Variants in PTPN3 observed in about 807,000 individuals in gnomAD.
PTPN3 encodes the protein tyrosine-protein phosphatase non-receptor type 3.
PTPN3 carries 96 observed loss-of-function variants against 132.7 expected under a neutral mutation model. The observed-to-expected ratio is 0.72, with a 90% CI of 0.61 to 0.86. The LOEUF (loss-of-function observed/expected upper bound fraction) is 0.86. PTPN3 is among the 40% of genes least tolerant of loss of function. PTPN3 has a pLI of 0.00. For synonymous variants in PTPN3, 398 were observed against 429.0 expected (o/e 0.93, Z 0.89); for missense variants, 1,125 against 1,159.6 (o/e 0.97, Z 0.43).
intron 1 of PTPN3, among the ~76,000 whole-genome samples, chr9:109,488,905 C>T (rs1160425630): frequency 6.6e-6 from 1 of 152,216 alleles, no homozygotes; most frequent in Non-Finnish European, 1.5e-5. Flanking sequence ...TCCTCTTCTG[C>T]CTGGGTCCCC....
intron 1 of PTPN3, among the ~76,000 whole-genome samples, chr9:109,490,160 G>A (rs1039299572): frequency 1.3e-5 from 2 of 151,958 alleles, no homozygotes; most frequent in Admixed American, 6.6e-5. Flanking sequence ...TCTAGCCTGG[G>A]TGACAGAGCA....
chr9:109,461,688 T>C (rs1247504129), intron 2 of PTPN3, among the ~76,000 whole-genome samples: 1 of 151,688 alleles, frequency 6.6e-6, no homozygotes, highest in Admixed American at 6.6e-5. Flanking sequence ...GCCCAGGAGG[T>C]TGAGGCTGCA....
At chr9:109,397,879 C>T (rs556350358) in intron 19 of PTPN3, 3 of 152,254 alleles carry the variant, frequency 2.0e-5, no homozygotes, top group Admixed American at 6.5e-5. Context: ...CAGTTTGCTC[C>T]GTGTATCCCA....
chr9:109,504,879 G>GCC, the PTPN3 span, among the ~76,000 whole-genome samples: 1 of 152,190 alleles, frequency 6.6e-6, no homozygotes, highest in Non-Finnish European at 1.5e-5. Flanking sequence ...CGAAACAATC[G>GCC]CCTTCCCTGA....
intron 12 of PTPN3, 30 bp downstream of exon 12, chr9:109,426,920 G>A (rs768939228): frequency 1.3e-6 from 2 of 1,576,410 alleles, no homozygotes; most frequent in Admixed American, 1.7e-5. Context: ...TCTCAGCCTA[G>A]TGTGGACACA....
At chr9:109,530,287 C>T in the PTPN3 span, among the ~76,000 whole-genome samples, 28 of 152,300 alleles carry the variant, frequency 1.8e-4, 1 homozygote, top group African/African-American at 6.0e-4. Flanking sequence ...TATCTTCTGT[C>T]TCCCTGAACT....
chr9:109,386,147 G>A (rs965098257), intron 22 of PTPN3, among the ~76,000 whole-genome samples: 1 of 152,208 alleles, frequency 6.6e-6, no homozygotes, highest in Non-Finnish European at 1.5e-5. Flanking sequence ...GGGCAGTGAT[G>A]AAGATGAGAT....
chr9:109,491,022 C>G (rs1049459840), intron 1 of PTPN3, among the ~76,000 whole-genome samples: 5 of 151,046 alleles, frequency 3.3e-5, no homozygotes, highest in Admixed American at 2.6e-4. Context: ...ATGGTGAAAC[C>G]CTGTCACCAC....
chr9:109,498,368 G>C (rs899500660), upstream of PTPN3: 1 of 146,480 alleles, frequency 6.8e-6, no homozygotes, highest in Non-Finnish European at 1.5e-5. The surrounding 1 kb of genome is among the most constrained non-coding windows in gnomAD (Gnocchi z 4.2). Context: ...CGACGGGCCC[G>C]CGCGCCGGGC....
intron 5 of PTPN3, 86 bp downstream of exon 5, chr9:109,454,410 G>T: frequency 8.8e-7 from 1 of 1,130,278 alleles, no homozygotes; most frequent in Non-Finnish European, 1.3e-6. Flanking sequence ...GAAGTTATTT[G>T]GCCATAGTAA....
chr9:109,443,906 C>T (rs1844667090), intron 7 of PTPN3, among the ~76,000 whole-genome samples: 1 of 152,196 alleles, frequency 6.6e-6, no homozygotes, highest in Non-Finnish European at 1.5e-5. Flanking sequence ...TGCCCTCCAC[C>T]TCCTGGTTCC....
intron 22 of PTPN3, among the ~76,000 whole-genome samples, chr9:109,386,878 T>A (rs1839628758): frequency 6.6e-6 from 1 of 152,134 alleles, no homozygotes; most frequent in Admixed American, 6.5e-5. Context: ...GGGGAGCCTC[T>A]AGGCCAGGAA....
At chr9:109,383,990 T>C (rs1434556004) in intron 22 of PTPN3, among the ~76,000 whole-genome samples, 3 of 151,732 alleles carry the variant, frequency 2.0e-5, no homozygotes, top group African/African-American at 7.3e-5. Flanking sequence ...GGCACAGCAG[T>C]TAAGGGCACA....
intron 2 of PTPN3, among the ~76,000 whole-genome samples, chr9:109,461,798 A>G (rs542539190): frequency 2.0e-5 from 3 of 152,152 alleles, no homozygotes; most frequent in African/African-American, 7.2e-5. Flanking sequence ...TATATTTCAA[A>G]TGTCCAATTG....
chr9:109,460,210 C>T (rs1845772496), intron 2 of PTPN3, among the ~76,000 whole-genome samples: 1 of 152,186 alleles, frequency 6.6e-6, no homozygotes, highest in Non-Finnish European at 1.5e-5. Context: ...CTGGGATTCA[C>T]CTTGAGGCCT....
chr9:109,417,878 C>T (rs1842638076), intron 14 of PTPN3: 3 of 778,164 alleles, frequency 3.9e-6, no homozygotes, highest in Non-Finnish European at 4.7e-6. Flanking sequence ...AGATGACACA[C>T]TTTACAAGGT....
chr9:109,433,249 T>C (rs545302670), intron 9 of PTPN3, 88 bp from the exon 10 acceptor site: 297 of 1,543,926 alleles, frequency 1.9e-4, no homozygotes, highest in Middle Eastern at 6.8e-4. Context: ...CTGTTATAAA[T>C]AGTCATATGT....
intron 14 of PTPN3, among the ~76,000 whole-genome samples, chr9:109,419,360 T>C (rs1842738766): frequency 1.3e-5 from 2 of 152,216 alleles, no homozygotes; most frequent in Non-Finnish European, 2.9e-5. Context: ...ATAGCTACAG[T>C]GGTAAAAAAT....
intron 1 of PTPN3, among the ~76,000 whole-genome samples, chr9:109,470,620 CAGG>C (rs895337922): frequency 2.8e-4 from 43 of 151,032 alleles, no homozygotes; most frequent in African/African-American, 1.0e-3. Flanking sequence ...CGCTTGAGCC[CAGG>C]AGGTCAAGGC....
Sources: allele counts gnomAD v4.1 joint callset (sites outside exome capture counted in the v4.1 genomes callset), GRCh38; gene constraint gnomAD v4.1.1; non-coding constraint Gnocchi (gnomAD v3.1); transcripts MANE v1.5; gene names NCBI Gene and HGNC (gene_info 2026-07-23, HGNC 2026-07-21).